Variants in PEAR1 observed in about 807,000 individuals in gnomAD.
PEAR1 encodes the protein multiple EGF-like domains protein 12.
A neutral mutation model predicts 131.2 loss-of-function variants in PEAR1; 113 were observed. The observed-to-expected ratio is 0.86, with a 90% confidence interval of 0.74 to 1.01. The LOEUF (loss-of-function observed/expected upper bound fraction) is 1.01. Ranked by LOEUF, PEAR1 falls within the 50% of genes least tolerant of loss-of-function variation. The pLI is 0.00. For synonymous variants in PEAR1, 565 were observed against 523.3 expected, an observed-to-expected ratio of 1.08 and a Z score of -1.09; for missense variants, 1,408 against 1,391.1, an observed-to-expected ratio of 1.01 and a Z score of -0.19.
In PEAR1 at chr1:156,912,611, C is replaced by T. The variant is rs770856461; in HGVS notation, c.2198C>T (p.Pro733Leu). 1.2e-6 allele frequency: 2 copies of T among 1,613,362 alleles called. No homozygotes were observed. Among genetic ancestry groups the T allele is most frequent in the Non-Finnish European group, 1.7e-6 (2 of 1,179,766 alleles). ...CVCPPGHSGA[P>L]CRIGIQEPFT... is the part of the protein sequence containing the mutation. ...TGTCCCCCAGGGCACAGTGGTGCAC[C>T]TTGCAGGATTGGTGAGTTCTTTGCC... The change falls in exon 17 of 23, where the codon CCT becomes CTT. Residue 733 changes from proline to leucine, a missense_variant. Coordinates refer to ENST00000292357, the MANE Select transcript of PEAR1 (RefSeq NM_001080471.3).
intron 15 of PEAR1, among the ~76,000 whole-genome samples, chr1:156,911,199 CT>C (rs767463229): frequency 4.0e-5 from 3 of 74,832 alleles, no homozygotes; most frequent in African/African-American, 1.1e-4. Context: ...TTCTTTCTTT[CT>C]TTTCTTTCTT....
intron 1 of PEAR1, among the ~76,000 whole-genome samples, chr1:156,895,100 G>A (rs1312676638): frequency 6.6e-6 from 1 of 152,212 alleles, no homozygotes; most frequent in Non-Finnish European, 1.5e-5. Flanking sequence ...TGCAGGTGGG[G>A]CTGCCATCTC....
At chr1:156,895,038 T>C (rs911392558) in intron 1 of PEAR1, among the ~76,000 whole-genome samples, 1 of 152,222 alleles carries the variant, frequency 6.6e-6, no homozygotes, top group Non-Finnish European at 1.5e-5. Context: ...CCCTGCTGTG[T>C]GGCCTCTCCC....
chr1:156,907,874 G>T, intron 7 of PEAR1, 41 bp from the exon 8 acceptor site: 1 of 1,596,128 alleles, frequency 6.3e-7, no homozygotes, highest in Middle Eastern at 1.7e-4. Context: ...TTGGGGAGGA[G>T]GCTGGGTGCC....
rs1393748940 is a variant in PEAR1, at chr1:156,910,297, C to T, written c.1742C>T (p.Thr581Ile). Residue 581 changes from threonine (T) to isoleucine (I), a missense_variant, in exon 14 of 23, where the codon ACC (threonine) becomes ATC (isoleucine). By Grantham distance (89) the Thr-to-Ile change is moderately conservative (BLOSUM62 -1). Transcript: ENST00000292357. Reference protein sequence around the residue: ...LWGVNCSNTCTCKNGGTCLPE... With the variant: ...LWGVNCSNTCICKNGGTCLPE... ...GGAGTCAACTGTAGCAACACCTGCA[C>T]CTGCAAGAATGGGGGCACCTGTCTC... is the stretch of plus-strand genomic sequence containing the variant. The T allele has an allele frequency of 3.7e-6, 6 of 1,613,664 alleles. No individual in the cohort carries two copies. In the East Asian group the frequency reaches 1.3e-4, roughly 36 times the overall value.
chr1:156,905,545 TC>T (rs559192429), intron 4 of PEAR1, 121 bp downstream of exon 4: 5 of 818,098 alleles, frequency 6.1e-6, no homozygotes, highest in African/African-American at 1.8e-5. Flanking sequence ...CCTTTTGGGT[TC>T]CCCCCTCCTC....
intron 15 of PEAR1, 112 bp from the exon 16 acceptor site, chr1:156,912,133 GGT>G: frequency 1.5e-6 from 2 of 1,313,508 alleles, no homozygotes; most frequent in Non-Finnish European, 2.1e-6. Context: ...TCAAAGCTTT[GGT>G]GTGCCCAGGG....
chr1:156,909,939 C>T, intron 12 of PEAR1, 25 bp downstream of exon 12: 2 of 1,611,714 alleles, frequency 1.2e-6, no homozygotes, highest in Non-Finnish European at 1.7e-6. Flanking sequence ...GCCTGTCTGC[C>T]TGGGGGTGGG....
intron 20 of PEAR1, 83 bp downstream of exon 20, chr1:156,913,606 C>A: frequency 6.3e-7 from 1 of 1,597,256 alleles, no homozygotes; most frequent in Non-Finnish European, 8.5e-7. Context: ...TGTCTGGAGA[C>A]GGGGGCTCTG....
chr1:156,904,555 C>T lies in PEAR1; in HGVS notation c.102-193C>T, dbSNP rs370613710. 1.2e-4 allele frequency among the ~76,000 whole-genome samples: 19 copies of T among 152,270 alleles called. No individual in the cohort carries two copies. The South Asian group carries it at 3.7e-3, about 30-fold the overall frequency. On this transcript the variant is annotated intron_variant, in intron 2 of 22. Coordinates refer to ENST00000292357, the MANE Select transcript of PEAR1 (RefSeq NM_001080471.3). The stretch of plus-strand genomic sequence containing the variant: ...GCTCTGATGGAGGGTATCCCAGGAA[C>T]CTTCCAGTTCTGGGAGAAGCCTCCA...
intron 1 of PEAR1, among the ~76,000 whole-genome samples, chr1:156,900,458 C>T (rs998420745): frequency 6.6e-6 from 1 of 152,092 alleles, no homozygotes; most frequent in Admixed American, 6.5e-5. Flanking sequence ...CTGCCAGCAG[C>T]CTGGATTTGG....
Position 156,913,294 on chromosome 1 carries a change from G to A in PEAR1, c.2511+12G>A. The A allele has an allele frequency of 6.2e-7, 1 of 1,602,078 alleles. No individual in the cohort carries two copies. The highest frequency in any genetic ancestry group is 8.5e-7 in the Non-Finnish European group (1 of 1,173,662). On this transcript the variant is annotated intron_variant, in intron 19 of 22. Transcript: ENST00000292357. Reference sequence around the variant, plus strand: ...CACCCCCTAACAAGGTCAGTGCCGGGGGAGGGGGTGCACTGTGGAGGGAAG... The same window carrying A: ...CACCCCCTAACAAGGTCAGTGCCGGAGGAGGGGGTGCACTGTGGAGGGAAG...
chr1:156,911,669 C>A (rs559161045), intron 15 of PEAR1, among the ~76,000 whole-genome samples: 12 of 151,872 alleles, frequency 7.9e-5, no homozygotes, highest in Middle Eastern at 3.4e-3. Context: ...ATTTTATGAG[C>A]CTTTCCCCCA....
At chr1:156,904,151 C>T in intron 2 of PEAR1, 124 bp downstream of exon 2, 1 of 750,682 alleles carries the variant, frequency 1.3e-6, no homozygotes, top group Non-Finnish European at 2.2e-6. Flanking sequence ...AGTCTCTCCC[C>T]TCCCGCCTAT....
rs543794175 is a variant in PEAR1 at position 156,907,049 on chromosome 1, C to T, written c.644+169C>T. Among the ~76,000 whole-genome samples the T allele has an allele frequency of 3.3e-5, 5 of 152,342 alleles. No individual in the cohort carries two copies. The East Asian group carries it at 7.7e-4, about 23-fold the overall frequency. On this transcript the variant is annotated intron_variant, in intron 6 of 22. Transcript: ENST00000292357. ...TCCTCACGAGTGGAGTGACCTTGAGCAAATCATTGACTCGTTGTGGGCTTG... is the reference window on the plus strand; with the variant it reads ...TCCTCACGAGTGGAGTGACCTTGAGTAAATCATTGACTCGTTGTGGGCTTG...
intron 2 of PEAR1, 88 bp from the exon 3 acceptor site, chr1:156,904,660 T>G (rs1650032181): frequency 1.5e-6 from 2 of 1,331,786 alleles, no homozygotes; most frequent in East Asian, 2.3e-5. Flanking sequence ...GATTCCCCAC[T>G]GTGGCCAAGC....
At chr1:156,894,390 A>G (rs1270626205) in intron 1 of PEAR1, among the ~76,000 whole-genome samples, 1 of 152,230 alleles carries the variant, frequency 6.6e-6, no homozygotes, top group East Asian at 1.9e-4. Flanking sequence ...TAAGTGAGCA[A>G]AAACGTGTCT....
rs774690576 is a variant in PEAR1, at chr1:156,908,727, G to A, written c.1188G>A (p.Pro396=). 109 of 1,555,194 alleles carry A rather than the reference G, an allele frequency of 7.0e-5. No individual in the cohort carries two copies. Among genetic ancestry groups the A allele is most frequent in the Non-Finnish European group, 8.6e-5 (99 of 1,153,966 alleles). Residue 396 remains proline (P), a synonymous_variant, in exon 10 of 23, where the codon CCG becomes CCA. Coordinates refer to ENST00000292357, the MANE Select transcript of PEAR1 (RefSeq NM_001080471.3). This position sits in a 1 kb window ranked among gnomAD's most constrained non-coding sequence, Gnocchi z 4.2. The part of the protein sequence containing the change: ...WAGLHCNESC[P]QDTHGPGCQE... ...GCCTCCACTGCAACGAGAGCTGCCC[G>A]CAGGACACGCATGGGCCAGGGTGCC...
At chr1:156,911,229 CTT>C (rs1651158108) in intron 15 of PEAR1, among the ~76,000 whole-genome samples, 2 of 115,866 alleles carry the variant, frequency 1.7e-5, no homozygotes, top group Non-Finnish European at 3.7e-5. Context: ...TCCTTTCTTT[CTT>C]TCTTTTCTTT....
Sources: allele counts gnomAD v4.1 joint callset (sites outside exome capture counted in the v4.1 genomes callset), GRCh38; gene constraint gnomAD v4.1.1; non-coding constraint Gnocchi (gnomAD v3.1); transcripts MANE v1.5; gene names NCBI Gene and HGNC (gene_info 2026-07-23, HGNC 2026-07-21).